Variants in GRK5 observed in about 807,000 individuals in gnomAD.
GRK5 encodes the protein G protein-coupled receptor kinase 5, also known as g protein-coupled receptor kinase GRK5.
In GRK5, 40 loss-of-function variants were observed where a neutral mutation model predicts 78.4. The ratio of observed to expected loss-of-function variants is 0.51; its 90% CI spans 0.40 to 0.66. The LOEUF is 0.66. Ranked by LOEUF, GRK5 falls within the 30% of genes least tolerant of loss-of-function variation. The pLI, the probability that GRK5 is intolerant of heterozygous loss-of-function variation, is 0.00. For synonymous variants in GRK5, 289 were observed against 296.8 expected (o/e 0.97, Z 0.27); for missense variants, 598 against 759.9 (o/e 0.79, Z 2.50).
chr10:119,254,743 T>C (rs189487496), intron 1 of GRK5, among the ~76,000 whole-genome samples: 1 of 152,150 alleles, frequency 6.6e-6, no homozygotes, highest in East Asian at 1.9e-4. Context: ...GGATGTATGA[T>C]GTATTTTGTA....
intron 1 of GRK5, among the ~76,000 whole-genome samples, chr10:119,237,417 A>G (rs1848952145): frequency 6.6e-6 from 1 of 152,236 alleles, no homozygotes; most frequent in Admixed American, 6.5e-5. Context: ...CTCATTTGAA[A>G]AAATAAGCAC....
chr10:119,279,308 A>T (rs1280225695), intron 1 of GRK5, among the ~76,000 whole-genome samples: 1 of 152,106 alleles, frequency 6.6e-6, no homozygotes, highest in Non-Finnish European at 1.5e-5. Flanking sequence ...TCATGTTCTG[A>T]GGTGCTGGGG....
rs980281229 is a variant in GRK5 at position 119,412,246 on chromosome 10, C to T, written c.340-10920C>T. ...TCAAAAGAGGCACAGTGAGAGCCTT[C>T]CAGCCTCGATCACAAGGACCTCTAC... On this transcript the variant is annotated intron_variant, in intron 4 of 15. Transcript: ENST00000392870. This position sits in a 1 kb window ranked among gnomAD's most constrained non-coding sequence, Gnocchi z 4.3. Among the ~76,000 whole-genome samples, 1 of 152,200 alleles carries T rather than the reference C, an allele frequency of 6.6e-6. No homozygotes were observed. The highest frequency in any genetic ancestry group is 1.5e-5 in the Non-Finnish European group (1 of 68,032).
At chr10:119,260,947 G>T (rs200109086) in intron 1 of GRK5, among the ~76,000 whole-genome samples, 3 of 151,632 alleles carry the variant, frequency 2.0e-5, no homozygotes, top group Non-Finnish European at 2.9e-5. Context: ...GGTGGTGGCC[G>T]GGCAGAGGGG....
chr10:119,366,548 A>G (rs1021429616), intron 2 of GRK5, among the ~76,000 whole-genome samples: 1 of 152,182 alleles, frequency 6.6e-6, no homozygotes, highest in Admixed American at 6.5e-5. Flanking sequence ...GGGAAGAGCA[A>G]CGGAAGAAAG....
At chr10:119,216,456 C>T (rs1324533189) in intron 1 of GRK5, among the ~76,000 whole-genome samples, 2 of 152,176 alleles carry the variant, frequency 1.3e-5, no homozygotes, top group Admixed American at 6.5e-5. Context: ...CTGCCCTGTC[C>T]TCTGTTTCCG....
intron 1 of GRK5, among the ~76,000 whole-genome samples, chr10:119,255,773 C>T (rs1314931255): frequency 1.3e-5 from 2 of 152,188 alleles, no homozygotes; most frequent in Admixed American, 1.3e-4. Flanking sequence ...TGCTTCGAGC[C>T]ATCATTTATC....
At chr10:119,393,329 C>T (rs559468327) in intron 3 of GRK5, among the ~76,000 whole-genome samples, 8 of 152,348 alleles carry the variant, frequency 5.3e-5, no homozygotes, top group South Asian at 2.1e-4. Flanking sequence ...CATCCACCGG[C>T]GGGGCCTCTG....
intron 6 of GRK5, among the ~76,000 whole-genome samples, chr10:119,428,464 G>C (rs1294227678): frequency 6.6e-6 from 1 of 152,194 alleles, no homozygotes; most frequent in African/African-American, 2.4e-5. Flanking sequence ...CACATCACCA[G>C]TTTACAAAGA....
intron 1 of GRK5, among the ~76,000 whole-genome samples, chr10:119,261,037 G>A (rs1849378967): frequency 9.8e-6 from 1 of 101,622 alleles, no homozygotes; most frequent in African/African-American, 3.6e-5. Context: ...GCAGGGGGCT[G>A]ACCCCCCCAC....
chr10:119,260,882 G>A (rs1296903981), intron 1 of GRK5, among the ~76,000 whole-genome samples: 2 of 151,682 alleles, frequency 1.3e-5, no homozygotes, highest in Non-Finnish European at 2.9e-5. Context: ...CCACAAAACC[G>A]CCATTGTCAT....
chr10:119,400,876 C>A (rs1852138577), intron 4 of GRK5, among the ~76,000 whole-genome samples: 1 of 152,152 alleles, frequency 6.6e-6, no homozygotes, highest in African/African-American at 2.4e-5. Flanking sequence ...AAGGAGGATG[C>A]CCTTGGGCTT....
chr10:119,390,643 C>T (rs997519508), intron 3 of GRK5, among the ~76,000 whole-genome samples: 16 of 152,052 alleles, frequency 1.1e-4, no homozygotes, highest in East Asian at 7.7e-4. Flanking sequence ...TGCAGTGAGC[C>T]GAGATTGCAC....
At chr10:119,246,812 A>C (rs1849121227) in intron 1 of GRK5, among the ~76,000 whole-genome samples, 1 of 152,168 alleles carries the variant, frequency 6.6e-6, no homozygotes, top group Non-Finnish European at 1.5e-5. Context: ...GAAAACCTTC[A>C]CTGTTTGGTC....
intron 10 of GRK5, among the ~76,000 whole-genome samples, chr10:119,440,986 T>C (rs1853020927): frequency 6.6e-6 from 1 of 152,130 alleles, no homozygotes. Context: ...AGTGGGGAGC[T>C]GAGGGCAGAA....
At chr10:119,397,576 G>C (rs1852076853) in intron 4 of GRK5, among the ~76,000 whole-genome samples, 1 of 152,192 alleles carries the variant, frequency 6.6e-6, no homozygotes, top group Non-Finnish European at 1.5e-5. Flanking sequence ...GGGGCCAGTG[G>C]TGGCTTCACC....
intron 1 of GRK5, among the ~76,000 whole-genome samples, chr10:119,319,053 A>G (rs4752288): frequency 1 from 152,249 of 152,334 alleles, 76,082 homozygotes; most frequent in Non-Finnish European, 1. Context: ...GCCTTCCATC[A>G]GGCACTCCTT....
rs1849237276 is a variant in GRK5 at position 119,253,666 on chromosome 10, C to T, written c.52+45697C>T. 6.6e-6 allele frequency among the ~76,000 whole-genome samples: 1 copy of T among 152,208 alleles called. No homozygotes were observed. The highest frequency in any genetic ancestry group is 1.5e-5 in the Non-Finnish European group (1 of 68,038). ...GTGGCCAGCTCTTTTTTCACTGTGG[C>T]TCTGGGCAGCCCAGCCCAGCTCCGG... On this transcript the variant is annotated intron_variant, in intron 1 of 15. Coordinates refer to ENST00000392870, the MANE Select transcript of GRK5 (RefSeq NM_005308.3). This position sits in a 1 kb window ranked among gnomAD's most constrained non-coding sequence, Gnocchi z 5.7.
intron 1 of GRK5, among the ~76,000 whole-genome samples, chr10:119,241,732 T>C (rs1476075647): frequency 6.6e-6 from 1 of 152,120 alleles, no homozygotes; most frequent in Non-Finnish European, 1.5e-5. Flanking sequence ...ATCACACAGG[T>C]GGAGAGGAGG....
Sources: gnomAD v4.1 joint callset for allele counts (sites outside exome capture counted in the v4.1 genomes callset) on GRCh38, gnomAD v4.1.1 for gene constraint, Gnocchi (gnomAD v3.1) non-coding constraint, MANE v1.5 for transcripts, NCBI Gene and HGNC (gene_info 2026-07-23, HGNC 2026-07-21) for gene names.